KCNK17: variants seen among roughly 807,000 people sequenced by gnomAD.
The protein encoded by KCNK17 is potassium two pore domain channel subfamily K member 17.
In KCNK17, 27 loss-of-function variants were observed where a neutral mutation model predicts 24.6. That is an observed-to-expected ratio of 1.10 (90% CI 0.81 to 1.51). The LOEUF is 1.51. Among genes scored for constraint, KCNK17 ranks in the 40% most tolerant of loss-of-function variants. KCNK17 has a pLI of 0.00. For synonymous variants in KCNK17, 181 were observed against 189.8 expected (o/e 0.95, Z 0.38); for missense variants, 450 against 436.6 (o/e 1.03, Z -0.27).
chr6:39,300,608 CT>C, intron 4 of KCNK17: 1 of 1,377,164 alleles, frequency 7.3e-7, no homozygotes, highest in Non-Finnish European at 1.0e-6. Context: ...TCTGAACCTC[CT>C]TCACCTGTGA....
chr6:39,314,048 C>T (rs1762213998), intron 1 of KCNK17, 36 bp downstream of exon 1: 2 of 1,498,920 alleles, frequency 1.3e-6, no homozygotes, highest in Middle Eastern at 1.7e-4. Context: ...GCTACCCCAT[C>T]CCGCCGCGCC....
chr6:39,314,181 G>A lies in KCNK17; in HGVS notation c.140C>T (p.Ala47Val). 2 of 1,557,436 alleles carry A rather than the reference G, an allele frequency of 1.3e-6. No individual in the cohort carries two copies. Among genetic ancestry groups the A allele is most frequent in the East Asian group, 2.4e-5 (1 of 42,166 alleles). ...GAAGCTGCGGCTGGAGTCCTGCGCC[G>A]CGCGGCCCTCCAGCGTCCAGAACAC... ...TGVFWTLEGRAAQDSSRSFQR... is the reference protein window; with the variant it reads ...TGVFWTLEGRVAQDSSRSFQR... Residue 47 changes from alanine (A) to valine (V), a missense_variant, in exon 1 of 5, where the codon GCG (alanine) becomes GTG (valine). Transcript: ENST00000373231.
intron 4 of KCNK17, among the ~76,000 whole-genome samples, chr6:39,301,741 C>A (rs1311101153): frequency 1.3e-5 from 2 of 152,190 alleles, no homozygotes; most frequent in Non-Finnish European, 2.9e-5. Flanking sequence ...GAGGAGTAGC[C>A]GGATGGGACC....
At chr6:39,311,429 T>G (rs898825957) in intron 1 of KCNK17, among the ~76,000 whole-genome samples, 5 of 152,136 alleles carry the variant, frequency 3.3e-5, no homozygotes, top group Admixed American at 3.3e-4. Context: ...TAGATAAACC[T>G]AATTAACTCT....
At chr6:39,313,544 C>T (rs1762194903) in intron 1 of KCNK17, among the ~76,000 whole-genome samples, 1 of 152,232 alleles carries the variant, frequency 6.6e-6, no homozygotes, top group African/African-American at 2.4e-5. Flanking sequence ...TACGGCCGCG[C>T]CCTCGCTCCT....
At chr6:39,300,413 C>T (rs773120334) in intron 4 of KCNK17, 40 of 1,408,104 alleles carry the variant, frequency 2.8e-5, no homozygotes, top group South Asian at 2.5e-4. Flanking sequence ...TGTGAGCCAC[C>T]GTGCCCGGCC....
chr6:39,299,787 A>G (rs1190678315), intron 4 of KCNK17, 50 bp from the exon 5 acceptor site: 1 of 1,559,008 alleles, frequency 6.4e-7, no homozygotes, highest in East Asian at 2.2e-5. Flanking sequence ...AGTCAGGACC[A>G]CATTCCCCAA....
At chr6:39,300,326 G>T (rs1761930638) in intron 4 of KCNK17, 1 of 713,068 alleles carries the variant, frequency 1.4e-6, no homozygotes, top group Non-Finnish European at 2.5e-6. Context: ...TTTCACCATT[G>T]TTGCCCAGGC....
Position 39,312,200 on chromosome 6 carries a change from C to T in KCNK17, c.238-1193G>A, listed in dbSNP as rs373391323. 3.3e-5 allele frequency among the ~76,000 whole-genome samples: 5 copies of T among 152,130 alleles called. No individual in the cohort carries two copies. In the East Asian group the frequency reaches 5.8e-4, roughly 18 times the overall value. On this transcript the variant is annotated intron_variant, in intron 1 of 4. Coordinates refer to ENST00000373231, the MANE Select transcript of KCNK17 (RefSeq NM_031460.4). ...GGTGTGTGGACATGGGGCAGACAAT[C>T]GAGATTTAGGACAGGTGGAGAAGCA...
chr6:39,309,451 G>A (rs1379897949), intron 2 of KCNK17, among the ~76,000 whole-genome samples: 2 of 152,234 alleles, frequency 1.3e-5, no homozygotes, highest in African/African-American at 4.8e-5. Flanking sequence ...TTCCTCAGGT[G>A]TACTGTGTGT....
intron 4 of KCNK17, chr6:39,300,646 G>A: frequency 1.0e-6 from 1 of 991,466 alleles, no homozygotes; most frequent in Middle Eastern, 2.4e-4. Context: ...GCGCCCCCTT[G>A]GCTTTTAGGA....
rs762943020 is a variant in KCNK17, at chr6:39,314,144, C to CT, written c.176dup (p.Trp60ValfsTer115). On this transcript the variant is annotated frameshift_variant, in exon 1 of 5. Coordinates refer to ENST00000373231, the MANE Select transcript of KCNK17 (RefSeq NM_031460.4). LOFTEE classifies it high-confidence loss of function. ...ACGTGAAGTTCTGCAACAGCTCCCA[C>CT]TTGTCGCGCTGGAAGCTGCGGCTGG... 1.9e-6 allele frequency: 3 copies of CT among 1,588,632 alleles called. No homozygotes were observed. The highest frequency in any genetic ancestry group is 2.6e-6 in the Non-Finnish European group (3 of 1,170,754).
Position 39,299,539 on chromosome 6 carries a change from C to T in KCNK17, c.887G>A (p.Arg296Gln), listed in dbSNP as rs2758910. The change falls in exon 5 of 5, where the codon CGG (arginine) becomes CAG (glutamine). Residue 296 changes from arginine to glutamine, a missense_variant. By Grantham distance (43) the Arg-to-Gln change is conservative. Coordinates refer to ENST00000373231, the MANE Select transcript of KCNK17 (RefSeq NM_031460.4). ...CTGTGGGGAGTGGGACTCTGGCTCC[C>T]GGTCAGGTCCCTGTCTCCAGCTTTG... ...KSQSWRQGPD[R>Q]EPESHSPQQG... The T allele has an allele frequency of 1.9e-3, 2,987 of 1,614,100 alleles. 47 individuals carry two copies. The African/African-American group carries it at 0.036, about 19-fold the overall frequency.
chr6:39,301,668 A>G (rs1761953002), intron 4 of KCNK17, among the ~76,000 whole-genome samples: 1 of 152,226 alleles, frequency 6.6e-6, no homozygotes, highest in Admixed American at 6.5e-5. Context: ...GAGACCTGGC[A>G]GCTGGCAAGG....
intron 2 of KCNK17, among the ~76,000 whole-genome samples, chr6:39,305,944 G>A (rs975732048): frequency 1.3e-5 from 2 of 152,004 alleles, no homozygotes; most frequent in Admixed American, 1.3e-4. Context: ...GCCCCCTCCA[G>A]CACTCTCCCT....
At chr6:39,312,942 G>A (rs1562085125) in intron 1 of KCNK17, among the ~76,000 whole-genome samples, 1 of 152,202 alleles carries the variant, frequency 6.6e-6, no homozygotes, top group South Asian at 2.1e-4. Flanking sequence ...CTAGTCCGAG[G>A]GTTCAGAACA....
rs371385851 is a variant in KCNK17, at chr6:39,314,291, G to C, written c.30C>G (p.Pro10=). ...CCGCGCAGCCCCGGACCCTGCCCTC[G>C]GGAGCCGCCCGGGCTCGCGGTCGGT... The part of the protein sequence containing the change: MYRPRARAA[P]EGRVRGCAVP... The change falls in exon 1 of 5, where the codon CCC becomes CCG. Residue 10 remains proline (P), a synonymous_variant. Coordinates refer to ENST00000373231, the MANE Select transcript of KCNK17 (RefSeq NM_031460.4). 6.3e-5 allele frequency: 93 copies of C among 1,470,680 alleles called. 1 individual carries two copies. In the East Asian group the frequency reaches 7.9e-4, roughly 12 times the overall value. The allele number at this position is 1,470,680 out of a possible 1,614,324, so 91.1% of individuals were successfully genotyped here. A position where few individuals can be genotyped will look rare whatever the true frequency, so the allele number is the denominator to read the frequency against.
rs753483930 is a variant in KCNK17, at chr6:39,310,935, C to T, written c.310G>A (p.Val104Met). ...GACACAGAAAAGAAGAAGGAGCCCACGAGCTCCCAGCGCCCCATGCTGGTG... is the reference window on the plus strand; with the variant it reads ...GACACAGAAAAGAAGAAGGAGCCCATGAGCTCCCAGCGCCCCATGCTGGTG... Reference protein sequence around the residue: ...NTTSMGRWELVGSFFFSVSTI... With the variant: ...NTTSMGRWELMGSFFFSVSTI... The change falls in exon 2 of 5, where the codon GTG becomes ATG. Residue 104 changes from valine to methionine, a missense_variant. Val to Met is a conservative substitution (Grantham distance 21). Coordinates refer to ENST00000373231, the MANE Select transcript of KCNK17 (RefSeq NM_031460.4). 1.9e-5 allele frequency: 31 copies of T among 1,608,038 alleles called. No individual in the cohort carries two copies. The highest frequency in any genetic ancestry group is 8.0e-5 in the African/African-American group (6 of 74,692).
In KCNK17 at chr6:39,304,477, G is replaced by C. The variant is rs199856735; in HGVS notation, c.513+18C>G. ...TCTAGAAGTGACCCATCCCCACCCC[G>C]TCCAGCAGCCCCCTCACCTGCCAGG... On this transcript the variant is annotated intron_variant, in intron 3 of 4. Transcript: ENST00000373231. The C allele has an allele frequency of 6.2e-7, 1 of 1,604,740 alleles. No homozygotes were observed. The highest frequency in any genetic ancestry group is 2.2e-5 in the East Asian group (1 of 44,660).
Sources: gnomAD v4.1 joint callset for allele counts (sites outside exome capture counted in the v4.1 genomes callset) on GRCh38, gnomAD v4.1.1 for gene constraint, MANE v1.5 for transcripts, NCBI Gene and HGNC (gene_info 2026-07-23, HGNC 2026-07-21) for gene names.